TOX2: variants seen among roughly 807,000 people sequenced by gnomAD.
The protein encoded by TOX2 is granulosa cell HMG box 1.
Under a neutral mutation model 47.4 loss-of-function variants are expected in TOX2, and 15 were observed. That is an observed-to-expected ratio of 0.32 (90% confidence interval 0.21 to 0.49). The LOEUF is 0.49. TOX2 is among the 20% of genes least tolerant of loss of function. The pLI, the probability that TOX2 is intolerant of heterozygous loss-of-function variation, is 0.99. For missense variants in TOX2, 622 were observed against 673.1 expected (o/e 0.92, Z 0.84); for synonymous variants, 290 against 296.6 (o/e 0.98, Z 0.23).
intron 3 of TOX2, among the ~76,000 whole-genome samples, chr20:44,038,535 C>A (rs1204160514): frequency 6.6e-6 from 1 of 151,404 alleles, no homozygotes; most frequent in East Asian, 1.9e-4. Context: ...TGCATGTATA[C>A]AACTATGACT....
At chr20:43,945,708 A>C in intron 1 of TOX2, 16 of 618,466 alleles carry the variant, frequency 2.6e-5, no homozygotes, top group South Asian at 3.9e-5. Context: ...GACCGCCACC[A>C]GGAGCTCCGA....
intron 3 of TOX2, among the ~76,000 whole-genome samples, chr20:44,050,961 G>C (rs1239956215): frequency 6.6e-6 from 1 of 152,202 alleles, no homozygotes; most frequent in Non-Finnish European, 1.5e-5. Context: ...AGTTCATGCA[G>C]AGACATATTG....
intron 1 of TOX2, among the ~76,000 whole-genome samples, chr20:43,953,439 T>G (rs1273177878): frequency 6.6e-6 from 1 of 152,160 alleles, no homozygotes; most frequent in African/African-American, 2.4e-5. Context: ...CAGAGGTGTC[T>G]CTTAACATAG....
At chr20:43,934,869 C>T (rs1160260111) in intron 1 of TOX2, among the ~76,000 whole-genome samples, 2 of 151,524 alleles carry the variant, frequency 1.3e-5, no homozygotes, top group African/African-American at 4.9e-5. Context: ...ATCCTGGACC[C>T]TTTCTGTAGA....
chr20:44,032,696 G>A (rs529497519), intron 3 of TOX2, among the ~76,000 whole-genome samples: 28 of 152,264 alleles, frequency 1.8e-4, no homozygotes, highest in African/African-American at 5.8e-4. Context: ...GCAGAGGTGG[G>A]GAGCACGGGG....
intron 3 of TOX2, among the ~76,000 whole-genome samples, chr20:44,042,543 A>G (rs6065691): frequency 0.79 from 119,675 of 152,174 alleles, 47,364 homozygotes; most frequent in African/African-American, 0.85. Context: ...TTAATAGGAA[A>G]CTTAGCAAAA....
At chr20:44,042,006 A>G (rs889229801) in intron 3 of TOX2, among the ~76,000 whole-genome samples, 1 of 152,248 alleles carries the variant, frequency 6.6e-6, no homozygotes, top group Admixed American at 6.5e-5. Context: ...CAGGTAAAAC[A>G]TGTGTATTAG....
intron 3 of TOX2, among the ~76,000 whole-genome samples, chr20:44,021,651 A>C (rs6065687): frequency 0.68 from 102,598 of 151,966 alleles, 35,078 homozygotes; most frequent in East Asian, 0.81. Context: ...TTTTTTGAGA[A>C]AGAGTCTTGC....
intron 2 of TOX2, among the ~76,000 whole-genome samples, chr20:43,980,801 A>C (rs978179121): frequency 6.6e-6 from 1 of 152,222 alleles, no homozygotes; most frequent in Non-Finnish European, 1.5e-5. Context: ...AGAAGAAAAG[A>C]CTTAAAATTG....
chr20:44,051,086 A>G (rs927539496), intron 3 of TOX2, among the ~76,000 whole-genome samples: 1 of 152,220 alleles, frequency 6.6e-6, no homozygotes, highest in Non-Finnish European at 1.5e-5. Context: ...GTAGAATGGC[A>G]CACAGCCACG....
intron 3 of TOX2, among the ~76,000 whole-genome samples, chr20:44,011,007 C>T (rs1438127133): frequency 6.6e-6 from 1 of 152,164 alleles, no homozygotes; most frequent in Non-Finnish European, 1.5e-5. Context: ...TGCTGGTCTT[C>T]CCTGGCTCGT....
chr20:44,021,743 C>T (rs1324731165), intron 3 of TOX2, among the ~76,000 whole-genome samples: 1 of 152,096 alleles, frequency 6.6e-6, no homozygotes, highest in Admixed American at 6.5e-5. Flanking sequence ...ATCCTCCTGC[C>T]TCAGCCTCCT....
chr20:43,991,614 CATTATTATTATTATTATTATTATT>C (rs143981680), intron 2 of TOX2, among the ~76,000 whole-genome samples: 27,579 of 141,664 alleles, frequency 0.19, 3,159 homozygotes, highest in African/African-American at 0.3. Flanking sequence ...AGGCAATAAT[CATTATTATTATTATTATTATTATT>C]ATTATTATTA....
At chr20:43,953,552 C>T (rs567215519) in intron 1 of TOX2, among the ~76,000 whole-genome samples, 2 of 152,282 alleles carry the variant, frequency 1.3e-5, no homozygotes, top group Non-Finnish European at 2.9e-5. Flanking sequence ...TGTGTGTCCA[C>T]GTCTGTAGGA....
intron 5 of TOX2, 142 bp downstream of exon 5, chr20:44,054,668 C>T: frequency 1.1e-6 from 1 of 896,348 alleles, no homozygotes; most frequent in Non-Finnish European, 1.7e-6. Flanking sequence ...GGTTGCCCAT[C>T]TGTAAACTGG....
At chr20:43,998,916 T>G (rs770656603) in intron 2 of TOX2, among the ~76,000 whole-genome samples, 6 of 152,146 alleles carry the variant, frequency 3.9e-5, no homozygotes, top group Non-Finnish European at 7.4e-5. Flanking sequence ...CTCGCCACCA[T>G]GTCCAGCTAA....
At chr20:44,056,428 G>C (rs544178933) in intron 5 of TOX2, among the ~76,000 whole-genome samples, 1 of 152,160 alleles carries the variant, frequency 6.6e-6, no homozygotes, top group Non-Finnish European at 1.5e-5. Flanking sequence ...TTTGTTTGGT[G>C]GGGGGATTTC....
chr20:44,058,366 G>A (rs2071658776), intron 5 of TOX2, among the ~76,000 whole-genome samples: 1 of 152,130 alleles, frequency 6.6e-6, no homozygotes, highest in Admixed American at 6.5e-5. Context: ...TAATCCCTCT[G>A]GGAACCACAA....
At chr20:43,930,203 T>C (rs2069235006) in intron 1 of TOX2, among the ~76,000 whole-genome samples, 1 of 152,216 alleles carries the variant, frequency 6.6e-6, no homozygotes, top group Non-Finnish European at 1.5e-5. Context: ...AGGCAGGTTA[T>C]ATTTTTCAGA....
Sources: allele counts gnomAD v4.1 joint callset (sites outside exome capture counted in the v4.1 genomes callset), GRCh38; gene constraint gnomAD v4.1.1; transcripts MANE v1.5; gene names NCBI Gene and HGNC (gene_info 2026-07-23, HGNC 2026-07-21).